Variants in METTL9 observed in about 807,000 individuals in gnomAD.
METTL9 encodes the protein protein-L-histidine N-pros-methyltransferase.
METTL9 carries 10 observed loss-of-function variants against 36.0 expected under a neutral mutation model. The ratio of observed to expected loss-of-function variants is 0.28; its 90% CI spans 0.17 to 0.47. METTL9 has a LOEUF of 0.47. METTL9 is among the 20% of genes least tolerant of loss of function. The pLI is 0.99. For missense variants in METTL9, 246 were observed against 383.5 expected, an observed-to-expected ratio of 0.64 and a Z score of 3.00; for synonymous variants, 175 against 149.7, an observed-to-expected ratio of 1.17 and a Z score of -1.23.
At chr16:21,644,153 T>G (rs763219476) in intron 4 of METTL9, 3 of 624,808 alleles carry the variant, frequency 4.8e-6, no homozygotes, top group Non-Finnish European at 5.7e-6. Context: ...GCAGGTGGTG[T>G]TCCCTGCAGA....
Position 21,614,204 on chromosome 16 carries a change from GT to G in METTL9, c.356+1371del, listed in dbSNP as rs527567030. 1.4e-3 allele frequency among the ~76,000 whole-genome samples: 219 copies of G among 152,240 alleles called. 3 individuals are homozygous for G. The highest frequency in any genetic ancestry group is 3.4e-3 in the Middle Eastern group (1 of 294). ...GTCTGACATTTTGTTCCTTAAATTG[GT>G]TATATTGAATTTCTGTTCTATACCA... On this transcript the variant is annotated intron_variant, in intron 2 of 4. Coordinates refer to ENST00000358154, the MANE Select transcript of METTL9 (RefSeq NM_016025.5).
chr16:21,597,546 A>G (rs1382345525), upstream of METTL9, among the ~76,000 whole-genome samples: 1 of 152,350 alleles, frequency 6.6e-6, no homozygotes, highest in Middle Eastern at 3.4e-3. Context: ...TTCTGACTAC[A>G]GCAGCCATCT....
At chr16:21,641,436 C>T in intron 4 of METTL9, 4 of 583,750 alleles carry the variant, frequency 6.9e-6, no homozygotes, top group Non-Finnish European at 8.8e-6. Flanking sequence ...TTCAGTTTAC[C>T]TTTATTTTTT....
rs140768464 is a variant in METTL9 at position 21,607,135 on chromosome 16, C to T, written c.166-5510C>T. Among the ~76,000 whole-genome samples the T allele has an allele frequency of 3.6e-3, 541 of 150,762 alleles. 4 individuals carry two copies. Among genetic ancestry groups the T allele is most frequent in the African/African-American group, 0.013 (519 of 40,924 alleles). On this transcript the variant is annotated intron_variant, in intron 1 of 4. Coordinates refer to ENST00000358154, the MANE Select transcript of METTL9 (RefSeq NM_016025.5). Reference sequence around the variant, plus strand: ...TGTCGCCCAGGCTGGAGTGCAGTGGCACACTCTGGGCTCACTACAACCTCT... The same window carrying T: ...TGTCGCCCAGGCTGGAGTGCAGTGGTACACTCTGGGCTCACTACAACCTCT...
intron 2 of METTL9, among the ~76,000 whole-genome samples, chr16:21,616,255 G>A (rs1171584309): frequency 6.6e-6 from 1 of 152,162 alleles, no homozygotes; most frequent in Non-Finnish European, 1.5e-5. Context: ...GTCTGAGGAG[G>A]AAGTGCCTCA....
At chr16:21,618,129 G>T (rs1965599679) in intron 3 of METTL9, 55 bp downstream of exon 3, 1 of 1,251,820 alleles carries the variant, frequency 8.0e-7, no homozygotes, top group Non-Finnish European at 1.1e-6. Context: ...TTATTTAAAG[G>T]ATATGAATAA....
chr16:21,611,811 G>C (rs1965432954), intron 1 of METTL9, among the ~76,000 whole-genome samples: 1 of 152,174 alleles, frequency 6.6e-6, no homozygotes, highest in South Asian at 2.1e-4. Context: ...TGTACAGTCT[G>C]CTTCCCCACC....
At chr16:21,599,494 C>T, upstream of METTL9, 5 of 1,209,968 alleles carry the variant, frequency 4.1e-6, no homozygotes, top group Non-Finnish European at 5.1e-6. This position sits in a 1 kb window ranked among gnomAD's most constrained non-coding sequence, Gnocchi z 4.4. Flanking sequence ...GTAAGTGCTC[C>T]GGATGGAAAC....
intron 4 of METTL9, among the ~76,000 whole-genome samples, chr16:21,650,381 G>A (rs548953390): frequency 2.0e-5 from 3 of 151,976 alleles, no homozygotes; most frequent in South Asian, 2.1e-4. Flanking sequence ...GGTGGTGGAC[G>A]CCTGTAATCC....
upstream of METTL9, chr16:21,599,344 C>T: frequency 1.1e-6 from 1 of 951,156 alleles, no homozygotes; most frequent in Non-Finnish European, 1.3e-6. The surrounding 1 kb of genome is among the most constrained non-coding windows in gnomAD (Gnocchi z 4.4). Context: ...AAACCACCTC[C>T]GCCATTTACT....
At chr16:21,602,772 C>T (rs1019210685) in intron 1 of METTL9, among the ~76,000 whole-genome samples, 26 of 151,710 alleles carry the variant, frequency 1.7e-4, no homozygotes, top group African/African-American at 6.3e-4. Context: ...ATTCTGATGT[C>T]TCAGCCTCCC....
intron 4 of METTL9, among the ~76,000 whole-genome samples, chr16:21,632,687 A>G (rs751752439): frequency 6.6e-6 from 1 of 152,120 alleles, no homozygotes; most frequent in Non-Finnish European, 1.5e-5. Flanking sequence ...CTAGTATGCC[A>G]CTTACATCAT....
intron 4 of METTL9, among the ~76,000 whole-genome samples, chr16:21,649,759 C>A (rs930056270): frequency 6.6e-6 from 1 of 152,104 alleles, no homozygotes; most frequent in African/African-American, 2.4e-5. Context: ...AACTGGAATG[C>A]AGTGGTGTGA....
At chr16:21,651,764 A>G (rs1567349814) in intron 4 of METTL9, 1 of 152,070 alleles carries the variant, frequency 6.6e-6, no homozygotes, top group Non-Finnish European at 1.5e-5. Context: ...CAGCCATTTT[A>G]TCTGCATCTT....
intron 4 of METTL9, chr16:21,652,261 A>G (rs1966596857): frequency 9.8e-6 from 3 of 304,856 alleles, no homozygotes; most frequent in Non-Finnish European, 1.2e-5. Context: ...ACTTATACCT[A>G]CGATTTTAAG....
chr16:21,649,045 C>A (rs1040019739), intron 4 of METTL9, among the ~76,000 whole-genome samples: 1 of 152,056 alleles, frequency 6.6e-6, no homozygotes, highest in African/African-American at 2.4e-5. Flanking sequence ...GGCTGGAGTG[C>A]AATGGTGCAA....
intron 4 of METTL9, chr16:21,652,475 G>T: frequency 7.4e-7 from 1 of 1,348,584 alleles, no homozygotes; most frequent in Non-Finnish European, 1.1e-6. Context: ...AATGCATTAG[G>T]TGAAAAATAG....
At chr16:21,598,300 G>A (rs1964999156), upstream of METTL9, among the ~76,000 whole-genome samples, 1 of 144,122 alleles carries the variant, frequency 6.9e-6, no homozygotes, top group Non-Finnish European at 1.5e-5. Flanking sequence ...AGTGAGCCGA[G>A]ATCGAGCCAC....
intron 4 of METTL9, chr16:21,626,842 T>C (rs1476577483): frequency 2.9e-6 from 2 of 682,530 alleles, no homozygotes; most frequent in Middle Eastern, 7.2e-4. Flanking sequence ...GATAGAACTT[T>C]AATGCTACTT....
Sources: allele counts gnomAD v4.1 joint callset (sites outside exome capture counted in the v4.1 genomes callset), GRCh38; gene constraint gnomAD v4.1.1; non-coding constraint Gnocchi (gnomAD v3.1); transcripts MANE v1.5; gene names NCBI Gene and HGNC (gene_info 2026-07-23, HGNC 2026-07-21).